Variants in LUZP2 observed in about 807,000 individuals in gnomAD.
The protein encoded by LUZP2 is leucine zipper protein 2.
A neutral mutation model predicts 51.6 loss-of-function variants in LUZP2; 52 were observed. That is an observed-to-expected ratio of 1.01 (90% CI 0.81 to 1.27). LUZP2 has a LOEUF of 1.27. LUZP2 is among the 50% of genes most tolerant of loss of function. The pLI, the probability that LUZP2 is intolerant of heterozygous loss-of-function variation, is 0.00. For synonymous variants in LUZP2, 154 were observed against 137.3 expected (o/e 1.12, Z -0.85); for missense variants, 436 against 395.4 (o/e 1.10, Z -0.87).
At chr11:24,809,568 T>C (rs966689951) in intron 5 of LUZP2, among the ~76,000 whole-genome samples, 2 of 152,164 alleles carry the variant, frequency 1.3e-5, no homozygotes, top group Admixed American at 1.3e-4. Flanking sequence ...AAGACTGGCA[T>C]AGCCAAGCCT....
intron 9 of LUZP2, among the ~76,000 whole-genome samples, chr11:24,992,792 TC>T (rs748439723): frequency 7.2e-5 from 11 of 152,124 alleles, no homozygotes; most frequent in Non-Finnish European, 1.0e-4. Context: ...TTTGATGACT[TC>T]CCTATTGAAT....
chr11:25,002,361 T>A (rs1413966863), intron 9 of LUZP2, among the ~76,000 whole-genome samples: 1 of 152,204 alleles, frequency 6.6e-6, no homozygotes, highest in African/African-American at 2.4e-5. Flanking sequence ...GTCTGGACTA[T>A]AATTTGTTGG....
At chr11:24,514,668 G>GT (rs71445493) in intron 1 of LUZP2, among the ~76,000 whole-genome samples, 15,959 of 151,900 alleles carry the variant, frequency 0.11, 1,200 homozygotes, top group African/African-American at 0.21. Context: ...TAATTTATTA[G>GT]TTTTTTTTCT....
At position 24,933,717 on chromosome 11, in the gene LUZP2, T is replaced by C. The variant is rs529208618; in HGVS notation, c.522+19179T>C. ...TATTTAAATGGCTTGCATACTGTCA[T>C]GCGCATCTGTGTGAAGGGACCACCA... is the stretch of plus-strand genomic sequence containing the variant. On this transcript the variant is annotated intron_variant, in intron 7 of 11. Transcript: ENST00000336930. Among the ~76,000 whole-genome samples, 7 of 152,306 alleles carry C rather than the reference T, an allele frequency of 4.6e-5. No individual in the cohort carries two copies. In the South Asian group the frequency reaches 1.0e-3, roughly 23 times the overall value.
intron 4 of LUZP2, chr11:24,751,621 T>G: frequency 1.0e-6 from 1 of 978,620 alleles, no homozygotes; most frequent in Non-Finnish European, 1.2e-6. Context: ...CAAAGTTTTC[T>G]ATCCTGGGTT....
At chr11:24,996,262 A>T (rs1856494373) in intron 9 of LUZP2, among the ~76,000 whole-genome samples, 1 of 151,572 alleles carries the variant, frequency 6.6e-6, no homozygotes, top group African/African-American at 2.4e-5. Flanking sequence ...TTTCTATTAA[A>T]TAAATAATAC....
At chr11:25,024,326 G>A (rs1857422332) in intron 9 of LUZP2, among the ~76,000 whole-genome samples, 1 of 151,886 alleles carries the variant, frequency 6.6e-6, no homozygotes, top group Non-Finnish European at 1.5e-5. Flanking sequence ...GCAATAAAGT[G>A]TATTCAATTA....
intron 1 of LUZP2, among the ~76,000 whole-genome samples, chr11:24,607,230 G>C (rs1194313302): frequency 6.7e-6 from 1 of 150,292 alleles, no homozygotes; most frequent in Non-Finnish European, 1.5e-5. Context: ...ATGTTAAGTA[G>C]CTTTTCTCCT....
At chr11:24,653,985 A>G (rs1855720756) in intron 1 of LUZP2, among the ~76,000 whole-genome samples, 1 of 152,258 alleles carries the variant, frequency 6.6e-6, no homozygotes, top group Admixed American at 6.5e-5. Flanking sequence ...TGGACTATAG[A>G]AATTTAACAG....
At chr11:24,783,869 C>T (rs1354628852) in intron 5 of LUZP2, among the ~76,000 whole-genome samples, 7 of 151,956 alleles carry the variant, frequency 4.6e-5, no homozygotes, top group Non-Finnish European at 8.8e-5. Flanking sequence ...AAACAAATAC[C>T]TACCTCAAGG....
intron 1 of LUZP2, among the ~76,000 whole-genome samples, chr11:24,714,303 A>C (rs1310248573): frequency 6.6e-6 from 1 of 152,076 alleles, no homozygotes; most frequent in Non-Finnish European, 1.5e-5. Flanking sequence ...TCAAGTAAAT[A>C]AAGTAAAATA....
rs1207821470 is a variant in LUZP2, at chr11:25,044,231, GTGTA to G, written c.766-5803_766-5800del. The stretch of plus-strand genomic sequence containing the variant: ...TGTGTATATATATATGTGTGTGTAT[GTGTA>G]TGTGTGTGTGTGTGTGTGTGTGTAT... On this transcript the variant is annotated intron_variant, in intron 9 of 11. Transcript: ENST00000336930. Among the ~76,000 whole-genome samples the G allele has an allele frequency of 1.2e-4, 6 of 50,776 alleles. No individual in the cohort carries two copies. In the East Asian group the frequency reaches 1.7e-3, roughly 14 times the overall value. 33.3% of individuals were successfully genotyped at this position (50,776 alleles called of 152,430 possible).
chr11:24,837,701 C>T (rs561836134), intron 5 of LUZP2, among the ~76,000 whole-genome samples: 11 of 151,700 alleles, frequency 7.3e-5, no homozygotes, highest in South Asian at 2.1e-4. Flanking sequence ...GTCATCATTA[C>T]GGTGTCCTTC....
At chr11:24,654,566 G>A (rs578171215) in intron 1 of LUZP2, among the ~76,000 whole-genome samples, 121 of 151,966 alleles carry the variant, frequency 8.0e-4, no homozygotes, top group Non-Finnish European at 9.6e-4. Flanking sequence ...ACAGTGGCGC[G>A]ATCTCTGCTC....
intron 8 of LUZP2, among the ~76,000 whole-genome samples, chr11:24,978,053 A>G (rs1446199): frequency 0.9 from 136,599 of 151,464 alleles, 63,040 homozygotes; most frequent in Non-Finnish European, 0.99. Context: ...CACTGTATAC[A>G]TTTAGCAATT....
intron 9 of LUZP2, 40 bp from the exon 10 acceptor site, chr11:25,049,998 A>G (rs781581177): frequency 8.5e-7 from 1 of 1,175,970 alleles, no homozygotes; most frequent in South Asian, 1.5e-5. Context: ...TCTTGTATTT[A>G]GTGATTTCTT....
At chr11:24,859,581 G>A (rs1851673109) in intron 5 of LUZP2, among the ~76,000 whole-genome samples, 1 of 148,462 alleles carries the variant, frequency 6.7e-6, no homozygotes, top group Admixed American at 6.8e-5. Flanking sequence ...GAAGCATGGT[G>A]CTCGGAGGCT....
At chr11:24,981,492 T>C (rs1856028110) in intron 8 of LUZP2, among the ~76,000 whole-genome samples, 1 of 151,740 alleles carries the variant, frequency 6.6e-6, no homozygotes. Flanking sequence ...GAAAGGTCTT[T>C]ATGACCTATA....
In LUZP2 at chr11:24,544,492, C is replaced by T. The variant is rs142764782; in HGVS notation, c.62+47187C>T. Among the ~76,000 whole-genome samples the T allele has an allele frequency of 2.7e-3, 409 of 152,128 alleles. 1 individual carries two copies. The highest frequency in any genetic ancestry group is 9.2e-3 in the African/African-American group (382 of 41,522). On this transcript the variant is annotated intron_variant, in intron 1 of 11. Coordinates refer to ENST00000336930, the MANE Select transcript of LUZP2 (RefSeq NM_001009909.4). ...CATCTGTTGTACCCTACTATGTGTC[C>T]ATGAGTTCTCATCATTTAGCTCCCT...
Sources: gnomAD v4.1 joint callset for allele counts (sites outside exome capture counted in the v4.1 genomes callset) on GRCh38, gnomAD v4.1.1 for gene constraint, MANE v1.5 for transcripts, NCBI Gene and HGNC (gene_info 2026-07-23, HGNC 2026-07-21) for gene names.